The following PCSK6 variants were observed in gnomAD, a reference collection of about 807,000 sequenced individuals.
PCSK6 encodes paired basic amino acid cleaving enzyme 4.
A neutral mutation model predicts 123.3 loss-of-function variants in PCSK6; 85 were observed. That is an observed-to-expected ratio of 0.69 (90% CI 0.58 to 0.83). The LOEUF (loss-of-function observed/expected upper bound fraction) is 0.83. PCSK6 is among the 40% of genes least tolerant of loss of function. The probability of loss-of-function intolerance (pLI) is 0.00; values close to 1 mark genes in which losing one functional copy is unlikely to be tolerated. For missense variants in PCSK6, 1,191 were observed against 1,282.3 expected (o/e 0.93, Z 1.09); for synonymous variants, 508 against 516.0 (o/e 0.98, Z 0.21).
intron 1 of PCSK6, among the ~76,000 whole-genome samples, chr15:101,457,025 T>C (rs1204888916): frequency 6.6e-6 from 1 of 151,996 alleles, no homozygotes; most frequent in Admixed American, 6.6e-5. Flanking sequence ...TATAAAAAAT[T>C]AGCTGGGTGT....
At chr15:101,458,422 C>A (rs1317684591) in intron 1 of PCSK6, among the ~76,000 whole-genome samples, 1 of 152,108 alleles carries the variant, frequency 6.6e-6, no homozygotes, top group South Asian at 2.1e-4. Flanking sequence ...CCGGGCTATA[C>A]ACAGTCACTG....
chr15:101,398,637 C>T lies in PCSK6; in HGVS notation c.824-61G>A. The T allele has an allele frequency of 6.4e-7, 1 of 1,559,588 alleles. No individual in the cohort carries two copies. Among genetic ancestry groups the T allele is most frequent in the East Asian group, 2.3e-5 (1 of 44,232 alleles). On this transcript the variant is annotated intron_variant, in intron 6 of 21. Transcript: ENST00000611716. The surrounding 1 kb of genome is among the most constrained non-coding windows in gnomAD (Gnocchi z 4.6). ...GGCTCCGGGCACACAGCGACGGGAA[C>T]CCGGGCCCAGGAGGCTCGGATGAGG...
At chr15:101,405,413 G>C (rs1429531025) in intron 6 of PCSK6, among the ~76,000 whole-genome samples, 1 of 152,162 alleles carries the variant, frequency 6.6e-6, no homozygotes, top group Non-Finnish European at 1.5e-5. Flanking sequence ...TGGGTGTGAG[G>C]CGGGAGGAGT....
intron 6 of PCSK6, among the ~76,000 whole-genome samples, chr15:101,425,427 C>T (rs1460659357): frequency 2.0e-5 from 3 of 152,210 alleles, no homozygotes; most frequent in African/African-American, 7.2e-5. Flanking sequence ...CAGGGAATTT[C>T]CCTGGGATGT....
At chr15:101,474,522 C>G (rs758403416) in intron 1 of PCSK6, among the ~76,000 whole-genome samples, 1 of 152,212 alleles carries the variant, frequency 6.6e-6, no homozygotes, top group Non-Finnish European at 1.5e-5. Context: ...TAAGTAAAAC[C>G]AGCAGCAAAT....
chr15:101,398,260 C>T lies in PCSK6; in HGVS notation c.996+144G>A. The T allele has an allele frequency of 9.7e-7, 1 of 1,029,450 alleles. No homozygotes were observed. Among genetic ancestry groups the T allele is most frequent in the Non-Finnish European group, 1.4e-6 (1 of 716,956 alleles). The allele number at this position is 1,029,450 out of a possible 1,614,324, so 63.8% of individuals were successfully genotyped here. ...ACTTCTCAGACTCCCCGAGTGACTC[C>T]TCCACACTGGCCCTGGCACCTGTCA... On this transcript the variant is annotated intron_variant, in intron 7 of 21. Coordinates refer to ENST00000611716, the MANE Select transcript of PCSK6 (RefSeq NM_002570.5). The surrounding 1 kb of genome is among the most constrained non-coding windows in gnomAD (Gnocchi z 4.6).
intron 1 of PCSK6, among the ~76,000 whole-genome samples, chr15:101,448,115 G>T (rs2056940306): frequency 6.6e-6 from 1 of 152,174 alleles, no homozygotes; most frequent in African/African-American, 2.4e-5. Context: ...GGTGCCCGTG[G>T]TATCTTCACA....
At chr15:101,320,925 C>T (rs753488052) in intron 18 of PCSK6, among the ~76,000 whole-genome samples, 4 of 152,126 alleles carry the variant, frequency 2.6e-5, no homozygotes, top group Non-Finnish European at 4.4e-5. Flanking sequence ...CGACAGGAGG[C>T]GTTTTCTCTT....
At chr15:101,463,210 G>C (rs533192488) in intron 1 of PCSK6, 1 of 430,878 alleles carries the variant, frequency 2.3e-6, no homozygotes, top group African/African-American at 2.0e-5. Context: ...ACTGTGGGTC[G>C]GTTTTGGAAA....
At chr15:101,326,184 A>C (rs949221709) in intron 16 of PCSK6, among the ~76,000 whole-genome samples, 193 bp downstream of exon 16, 2 of 152,260 alleles carry the variant, frequency 1.3e-5, no homozygotes, top group African/African-American at 4.8e-5. Context: ...TCCGTAATGG[A>C]CATGTATGAC....
intron 1 of PCSK6, among the ~76,000 whole-genome samples, chr15:101,488,102 G>C (rs2058062032): frequency 6.6e-6 from 1 of 152,104 alleles, no homozygotes; most frequent in African/African-American, 2.4e-5. Flanking sequence ...GTGGGGCTTG[G>C]GATGCAGAAC....
At chr15:101,450,352 A>C in intron 1 of PCSK6, among the ~76,000 whole-genome samples, 1 of 151,714 alleles carries the variant, frequency 6.6e-6, no homozygotes, top group Non-Finnish European at 1.5e-5. Context: ...CTGCCCTCAC[A>C]CACCGTTTCA....
chr15:101,326,612 C>T (rs1364120323), intron 15 of PCSK6, 133 bp from the exon 16 acceptor site: 32 of 804,230 alleles, frequency 4.0e-5, no homozygotes, highest in Middle Eastern at 2.6e-4. Flanking sequence ...TGGGGCTGGA[C>T]GGCCAGACGA....
At chr15:101,442,356 C>G (rs62027203) in intron 2 of PCSK6, among the ~76,000 whole-genome samples, 45,088 of 152,072 alleles carry the variant, frequency 0.3, 7,948 homozygotes, top group Non-Finnish European at 0.4. Flanking sequence ...ACCTATAAAA[C>G]CAATCCAGAA....
intron 6 of PCSK6, among the ~76,000 whole-genome samples, chr15:101,412,563 G>A (rs189040613): frequency 1.5e-3 from 226 of 151,566 alleles, no homozygotes; most frequent in African/African-American, 5.2e-3. Flanking sequence ...GAAAGTCTCA[G>A]CAAAGAAATA....
At chr15:101,416,315 G>A (rs368295164) in intron 6 of PCSK6, among the ~76,000 whole-genome samples, 14 of 152,328 alleles carry the variant, frequency 9.2e-5, no homozygotes, top group East Asian at 7.7e-4. Context: ...CTTTGAACTT[G>A]AGAAAGATGA....
intron 13 of PCSK6, among the ~76,000 whole-genome samples, chr15:101,340,286 C>T (rs911054282): frequency 6.6e-6 from 1 of 152,152 alleles, no homozygotes; most frequent in Non-Finnish European, 1.5e-5. Flanking sequence ...AGATACAAGG[C>T]TTCCCTGTGC....
chr15:101,409,281 C>G (rs2042869152), intron 6 of PCSK6, among the ~76,000 whole-genome samples: 1 of 151,452 alleles, frequency 6.6e-6, no homozygotes, highest in Non-Finnish European at 1.5e-5. Flanking sequence ...CATGGTGAAA[C>G]CCTGTCTCTA....
rs1021521335 is a variant in PCSK6 at position 101,393,119 on chromosome 15, T to G, written c.1209+93A>C. ...GGGATCCGGAACAATCTGGCCTCAA[T>G]CTAAGCCATCTTTCTGAGAAAGGGA... On this transcript the variant is annotated intron_variant, in intron 8 of 21. Transcript: ENST00000611716. The G allele has an allele frequency of 1.0e-5, 11 of 1,067,986 alleles. No individual in the cohort carries two copies. In the African/African-American group the frequency reaches 1.7e-4, roughly 17 times the overall value. 66.2% of individuals were successfully genotyped at this position (1,067,986 alleles called of 1,614,324 possible). A position where few individuals can be genotyped will look rare whatever the true frequency, so the allele number is the denominator to read the frequency against.
Sources: gnomAD v4.1 joint callset for allele counts (sites outside exome capture counted in the v4.1 genomes callset) on GRCh38, gnomAD v4.1.1 for gene constraint, Gnocchi (gnomAD v3.1) non-coding constraint, MANE v1.5 for transcripts, NCBI Gene and HGNC (gene_info 2026-07-23, HGNC 2026-07-21) for gene names.